The following NUAK1 variants were observed in gnomAD, a reference collection of about 807,000 sequenced individuals.
NUAK1 encodes the protein NUAK family SNF1-like kinase 1.
Under a neutral mutation model 56.9 loss-of-function variants are expected in NUAK1, and 26 were observed. The observed-to-expected ratio is 0.46, with a 90% CI of 0.33 to 0.63. The LOEUF is 0.63. Among genes scored for constraint, NUAK1 ranks in the 30% least tolerant of loss-of-function variants. The probability of loss-of-function intolerance (pLI) is 0.02; values close to 1 mark genes in which losing one functional copy is unlikely to be tolerated. For missense variants in NUAK1, 727 were observed against 876.1 expected (o/e 0.83, Z 2.15); for synonymous variants, 337 against 336.0 (o/e 1.00, Z -0.03).
At chr12:106,099,237 A>G (rs56377117) in intron 2 of NUAK1, among the ~76,000 whole-genome samples, 4,856 of 152,260 alleles carry the variant, frequency 0.032, 268 homozygotes, top group African/African-American at 0.11. Flanking sequence ...AGATTGGGTG[A>G]ACAGCAGCAT....
intron 1 of NUAK1, among the ~76,000 whole-genome samples, chr12:106,130,271 C>A (rs555745695): frequency 2.0e-5 from 3 of 152,194 alleles, no homozygotes; most frequent in African/African-American, 7.2e-5. Flanking sequence ...CGTGAACCAC[C>A]GTGCCCAGCC....
chr12:106,067,702 T>C lies in NUAK1; in HGVS notation c.1086A>G (p.Leu362=), dbSNP rs768288259. 43 of 1,614,104 alleles carry C rather than the reference T, an allele frequency of 2.7e-5. No homozygotes were observed. The highest frequency in any genetic ancestry group is 3.6e-5 in the Non-Finnish European group (43 of 1,180,040). The change falls in exon 7 of 7, where the codon CTA becomes CTG. Residue 362 remains leucine (L), a synonymous_variant. Transcript: ENST00000261402. The surrounding 1 kb of genome is among the most constrained non-coding windows in gnomAD (Gnocchi z 6.0). ...LAKPTTSEVM[L]ERQRSLKKSK... Reference sequence around the variant, plus strand: ...ATTTCTTCAGCGACCGCTGCCGCTCTAGCATGACCTCAGAGGTCGTGGGTT... The same window carrying C: ...ATTTCTTCAGCGACCGCTGCCGCTCCAGCATGACCTCAGAGGTCGTGGGTT...
intron 1 of NUAK1, among the ~76,000 whole-genome samples, chr12:106,118,415 A>G (rs2032940907): frequency 6.6e-6 from 1 of 152,176 alleles, no homozygotes; most frequent in African/African-American, 2.4e-5. Flanking sequence ...AAGGAAGAAA[A>G]CACTCTTAGC....
At chr12:106,103,068 G>A (rs11112867) in intron 2 of NUAK1, 1 of 152,130 alleles carries the variant, frequency 6.6e-6, no homozygotes. Context: ...CTTCACGTTG[G>A]TAACTAAATA....
intron 4 of NUAK1, among the ~76,000 whole-genome samples, chr12:106,078,114 C>G (rs186976336): frequency 8.1e-4 from 124 of 152,246 alleles, no homozygotes; most frequent in Middle Eastern, 3.4e-3. Context: ...GCCTGCAATC[C>G]CAGTGTTTTT....
chr12:106,088,899 C>T (rs975297374), intron 2 of NUAK1, among the ~76,000 whole-genome samples: 2 of 152,192 alleles, frequency 1.3e-5, no homozygotes, highest in African/African-American at 4.8e-5. Flanking sequence ...TCCTTTTTGG[C>T]TCCTTCAAGT....
chr12:106,069,090 T>C (rs1157964730), intron 6 of NUAK1, among the ~76,000 whole-genome samples: 1 of 152,204 alleles, frequency 6.6e-6, no homozygotes, highest in Non-Finnish European at 1.5e-5. Context: ...AGATAATGCA[T>C]ATCTATATAT....
chr12:106,101,076 T>C (rs1258732823), intron 2 of NUAK1, among the ~76,000 whole-genome samples: 1 of 152,138 alleles, frequency 6.6e-6, no homozygotes, highest in Non-Finnish European at 1.5e-5. Flanking sequence ...ATTCTGTGAG[T>C]AGCAGGGAGA....
intron 1 of NUAK1, among the ~76,000 whole-genome samples, chr12:106,133,719 T>C (rs888790192): frequency 6.6e-6 from 1 of 152,212 alleles, no homozygotes; most frequent in African/African-American, 2.4e-5. Flanking sequence ...ATGGTAGCAG[T>C]AGAAATATGA....
intron 2 of NUAK1, among the ~76,000 whole-genome samples, chr12:106,102,974 C>T (rs1432801018): frequency 6.6e-6 from 1 of 152,228 alleles, no homozygotes; most frequent in African/African-American, 2.4e-5. Flanking sequence ...CCTCACACTG[C>T]TATGCATCTT....
chr12:106,066,366 C>T lies in NUAK1; in HGVS notation c.*436G>A, dbSNP rs2032338652. Reference sequence around the variant, plus strand: ...TACTTGCCAGCTCCACGCAGCCAGACCTAGCTTGCTAATACAAGGAGAAAA... The same window carrying T: ...TACTTGCCAGCTCCACGCAGCCAGATCTAGCTTGCTAATACAAGGAGAAAA... On this transcript the variant is annotated 3_prime_UTR_variant, in exon 7 of 7. Coordinates refer to ENST00000261402, the MANE Select transcript of NUAK1 (RefSeq NM_014840.3). 5.9e-6 allele frequency: 1 copy of T among 168,630 alleles called. No homozygotes were observed. Among genetic ancestry groups the T allele is most frequent in the South Asian group, 1.6e-4 (1 of 6,130 alleles). 10.4% of individuals were successfully genotyped at this position (168,630 alleles called of 1,614,324 possible). A position where few individuals can be genotyped will look rare whatever the true frequency, so the allele number is the denominator to read the frequency against.
intron 4 of NUAK1, among the ~76,000 whole-genome samples, chr12:106,078,095 G>A (rs1179433066): frequency 6.6e-6 from 1 of 152,240 alleles, no homozygotes; most frequent in Admixed American, 6.5e-5. Context: ...GCCAGATGTG[G>A]TGGCTCATGC....
chr12:106,121,012 G>A (rs561788950), intron 1 of NUAK1, among the ~76,000 whole-genome samples: 7 of 152,312 alleles, frequency 4.6e-5, no homozygotes, highest in African/African-American at 1.7e-4. Context: ...TCCTTCCCCA[G>A]GCAGCCTCCT....
intron 1 of NUAK1, among the ~76,000 whole-genome samples, chr12:106,112,964 A>G (rs949593767): frequency 1.3e-5 from 2 of 152,174 alleles, no homozygotes; most frequent in Non-Finnish European, 2.9e-5. Context: ...GATTCCTGTG[A>G]TGATATTGAT....
At chr12:106,083,730 G>C (rs924678455) in intron 4 of NUAK1, 134 bp downstream of exon 4, 2 of 716,400 alleles carry the variant, frequency 2.8e-6, no homozygotes, top group Admixed American at 4.4e-5. Flanking sequence ...CTCAAGCAAA[G>C]AGACTCTTCC....
In NUAK1 at chr12:106,138,276, G is replaced by T; in HGVS notation, c.240+138C>A. On this transcript the variant is annotated intron_variant, in intron 1 of 6. Transcript: ENST00000261402. This position sits in a 1 kb window ranked among gnomAD's most constrained non-coding sequence, Gnocchi z 5.0. ...CGGGGTGCTGGAGAAAGAGTGAGGA[G>T]TCTGTCTCGGGGCTTCCCAATGAGC... 1 of 1,172,304 alleles carries T rather than the reference G, an allele frequency of 8.5e-7. No individual in the cohort carries two copies. Among genetic ancestry groups the T allele is most frequent in the Non-Finnish European group, 1.2e-6 (1 of 861,916 alleles). 72.6% of individuals were successfully genotyped at this position (1,172,304 alleles called of 1,614,324 possible). A position where few individuals can be genotyped will look rare whatever the true frequency, so the allele number is the denominator to read the frequency against.
intron 4 of NUAK1, among the ~76,000 whole-genome samples, chr12:106,080,929 C>T (rs1164115168): frequency 6.6e-6 from 1 of 152,228 alleles, no homozygotes; most frequent in Non-Finnish European, 1.5e-5. Context: ...TATCTGCCTG[C>T]CTTTGCCAGC....
intron 1 of NUAK1, among the ~76,000 whole-genome samples, chr12:106,128,880 A>G (rs1394841231): frequency 6.6e-6 from 1 of 152,220 alleles, no homozygotes; most frequent in Non-Finnish European, 1.5e-5. Flanking sequence ...GCAAATCATG[A>G]TGGTGTTTTT....
intron 1 of NUAK1, among the ~76,000 whole-genome samples, chr12:106,109,694 A>G (rs1229199686): frequency 6.6e-6 from 1 of 152,160 alleles, no homozygotes; most frequent in Non-Finnish European, 1.5e-5. Context: ...TCCAGGCTAA[A>G]ATCACCCTCT....
Sources: allele counts gnomAD v4.1 joint callset (sites outside exome capture counted in the v4.1 genomes callset), GRCh38; gene constraint gnomAD v4.1.1; non-coding constraint Gnocchi (gnomAD v3.1); transcripts MANE v1.5; gene names NCBI Gene and HGNC (gene_info 2026-07-23, HGNC 2026-07-21).